Variants in ADGRF3 observed in about 807,000 individuals in gnomAD.
ADGRF3 encodes the protein G protein-coupled receptor 113.
In ADGRF3, 85 loss-of-function variants were observed where a neutral mutation model predicts 93.2. That is an observed-to-expected ratio of 0.91 (90% CI 0.77 to 1.09). The LOEUF is 1.09. Among genes scored for constraint, ADGRF3 ranks in the 50% least tolerant of loss-of-function variants. The pLI, the probability that ADGRF3 is intolerant of heterozygous loss-of-function variation, is 0.00. For missense variants in ADGRF3, 1,125 were observed against 1,246.2 expected (o/e 0.90, Z 1.46); for synonymous variants, 534 against 532.5 (o/e 1.00, Z -0.04).
chr2:26,317,935 T>C (rs1227942674), intron 1 of ADGRF3: 10 of 1,132,440 alleles, frequency 8.8e-6, no homozygotes, highest in South Asian at 2.6e-5. Context: ...TTATTCCTTC[T>C]GTAGGATTTG....
At chr2:26,309,162 G>C in intron 13 of ADGRF3, 55 bp from the exon 14 acceptor site, 1 of 1,613,962 alleles carries the variant, frequency 6.2e-7, no homozygotes, top group Non-Finnish European at 8.5e-7. Flanking sequence ...TCTGCAGGCT[G>C]CCCTCCCCTC....
intron 3 of ADGRF3, 31 bp downstream of exon 3, chr2:26,316,881 A>G: frequency 6.4e-7 from 1 of 1,570,814 alleles, no homozygotes; most frequent in Non-Finnish European, 8.6e-7. Flanking sequence ...ATGTTCATTC[A>G]CTCTCAGCCC....
chr2:26,333,659 C>A (rs1192299144), intron 1 of ADGRF3, among the ~76,000 whole-genome samples: 1 of 151,948 alleles, frequency 6.6e-6, no homozygotes, highest in African/African-American at 2.4e-5. Context: ...GTTGTGGCAA[C>A]CAGTGGTTAT....
intron 13 of ADGRF3, 107 bp downstream of exon 13, chr2:26,309,419 G>A (rs1673836091): frequency 6.5e-7 from 1 of 1,546,452 alleles, no homozygotes; most frequent in South Asian, 1.2e-5. Context: ...GTGTGGGCTG[G>A]GTATAGAAAG....
intron 1 of ADGRF3, among the ~76,000 whole-genome samples, chr2:26,328,534 A>G (rs367806446): frequency 6.6e-6 from 1 of 151,074 alleles, no homozygotes; most frequent in East Asian, 1.9e-4. Flanking sequence ...GATCACTGCA[A>G]TCTCCGCCTC....
At chr2:26,331,910 G>A (rs1271153384) in intron 1 of ADGRF3, among the ~76,000 whole-genome samples, 1 of 151,644 alleles carries the variant, frequency 6.6e-6, no homozygotes, top group African/African-American at 2.4e-5. Flanking sequence ...GTTTAAATCT[G>A]TTGTCTATGT....
At chr2:26,338,504 C>G (rs1006785169) in intron 1 of ADGRF3, among the ~76,000 whole-genome samples, 5 of 152,090 alleles carry the variant, frequency 3.3e-5, no homozygotes, top group Admixed American at 6.6e-5. Flanking sequence ...CTCTTGTTGC[C>G]CAGGCTGGAG....
intron 1 of ADGRF3, among the ~76,000 whole-genome samples, chr2:26,326,402 G>C (rs1053968911): frequency 3.3e-5 from 5 of 152,164 alleles, no homozygotes; most frequent in Admixed American, 6.5e-5. Flanking sequence ...TGGTGAGAGG[G>C]AGAGGGAACA....
intron 1 of ADGRF3, among the ~76,000 whole-genome samples, chr2:26,324,632 G>T (rs2147900772): frequency 1.3e-5 from 2 of 152,290 alleles, no homozygotes; most frequent in East Asian, 3.9e-4. Flanking sequence ...CTCCATCCAT[G>T]TCCCTGCAAA....
intron 1 of ADGRF3, among the ~76,000 whole-genome samples, chr2:26,343,790 T>C (rs1321074391): frequency 6.6e-6 from 1 of 152,186 alleles, no homozygotes; most frequent in African/African-American, 2.4e-5. Context: ...GTGAAGTAAG[T>C]TGTCTGAGAT....
At chr2:26,316,186 G>T in intron 4 of ADGRF3, 89 bp downstream of exon 4, 2 of 1,363,060 alleles carry the variant, frequency 1.5e-6, no homozygotes, top group South Asian at 1.4e-5. Context: ...GGACCAGCTG[G>T]CCAAACTACA....
chr2:26,310,758 C>G lies in ADGRF3; in HGVS notation c.2766G>C (p.Leu922=). 6.2e-7 allele frequency: 1 copy of G among 1,613,364 alleles called. No homozygotes were observed. The highest frequency in any genetic ancestry group is 8.5e-7 in the Non-Finnish European group (1 of 1,179,632). The change falls in exon 10 of 14, where the codon CTG becomes CTC. Residue 922 remains leucine, a synonymous_variant. Coordinates refer to ENST00000651242, the MANE Select transcript of ADGRF3 (RefSeq NM_001321971.2). ...PIFGLTWGLG[L]ATLLEEVSTV... ...TGGAGACTTCCTCTAACAGAGTGGC[C>G]AGGCCCAGCCCCCAGGTGAGGCCAA...
At chr2:26,325,343 T>C (rs925558812) in intron 1 of ADGRF3, among the ~76,000 whole-genome samples, 1 of 152,220 alleles carries the variant, frequency 6.6e-6, no homozygotes, top group Non-Finnish European at 1.5e-5. Context: ...GCTGGACACA[T>C]TATATATGCC....
rs1674635470 is a variant in ADGRF3 at position 26,316,195 on chromosome 2, C to T, written c.499+80G>A. ...GTGCTTGGACCAGCTGGCCAAACTA[C>T]AGGTTCAGAGAGGAGAAAACCACTG... On this transcript the variant is annotated intron_variant, in intron 4 of 13. Transcript: ENST00000651242. The T allele has an allele frequency of 2.8e-6, 4 of 1,420,892 alleles. No individual in the cohort carries two copies. The Admixed American group carries it at 6.9e-5, about 25-fold the overall frequency. The allele number at this position is 1,420,892 out of a possible 1,614,324, so 88.0% of individuals were successfully genotyped here. A position where few individuals can be genotyped will look rare whatever the true frequency, so the allele number is the denominator to read the frequency against.
intron 7 of ADGRF3, 86 bp downstream of exon 7, chr2:26,313,674 C>T (rs540800425): frequency 1.3e-6 from 2 of 1,578,480 alleles, no homozygotes; most frequent in African/African-American, 2.7e-5. Context: ...TCCTGTTGCC[C>T]AGGGCAGAGA....
rs561733440 is a variant in ADGRF3, at chr2:26,344,214, G to A, written c.114+1907C>T. Among the ~76,000 whole-genome samples, 4 of 152,180 alleles carry A rather than the reference G, an allele frequency of 2.6e-5. No homozygotes were observed. The East Asian group carries it at 7.7e-4, about 29-fold the overall frequency. ...GGCTGGAGCGCAGTGACACAATCTC[G>A]GTTCACCGTAACCCCACCTCCCAGG... On this transcript the variant is annotated intron_variant, in intron 1 of 13. Transcript: ENST00000651242.
intron 1 of ADGRF3, among the ~76,000 whole-genome samples, chr2:26,318,559 C>G (rs2384364): frequency 0.54 from 81,459 of 152,102 alleles, 22,679 homozygotes; most frequent in East Asian, 0.64. Context: ...ATATAGCTAT[C>G]TATTGAGGAG....
At chr2:26,331,162 GAGA>G (rs1347170531) in intron 1 of ADGRF3, among the ~76,000 whole-genome samples, 1 of 152,166 alleles carries the variant, frequency 6.6e-6, no homozygotes, top group Admixed American at 6.5e-5. Flanking sequence ...ATTCTTGTCA[GAGA>G]AGATCATCTT....
chr2:26,311,205 G>C lies in ADGRF3; in HGVS notation c.2319C>G (p.Cys773Trp). 6.2e-7 allele frequency: 1 copy of C among 1,602,536 alleles called. No homozygotes were observed. The highest frequency in any genetic ancestry group is 8.5e-7 in the Non-Finnish European group (1 of 1,174,798). ...FLSPGPRSPLCLAAAFLCHFL... is the reference protein window; with the variant it reads ...FLSPGPRSPLWLAAAFLCHFL... ...AATGACAGAGGAAGGCGGCAGCAAG[G>C]CAGAGCGGGCTTCGGGGCCCTGGAG... Residue 773 changes from cysteine (C) to tryptophan (W), a missense_variant, in exon 10 of 14, where the codon TGC (cysteine) becomes TGG (tryptophan). Cys to Trp is a radical substitution (Grantham distance 215). Coordinates refer to ENST00000651242, the MANE Select transcript of ADGRF3 (RefSeq NM_001321971.2).
Sources: gnomAD v4.1 joint callset for allele counts (sites outside exome capture counted in the v4.1 genomes callset) on GRCh38, gnomAD v4.1.1 for gene constraint, MANE v1.5 for transcripts, NCBI Gene and HGNC (gene_info 2026-07-23, HGNC 2026-07-21) for gene names.